UNC13B: variants seen among roughly 807,000 people sequenced by gnomAD.
UNC13B encodes the protein unc-13 homolog B, also known as protein unc-13 homolog B.
In UNC13B, 144 loss-of-function variants were observed where a neutral mutation model predicts 211.0. The ratio of observed to expected loss-of-function variants is 0.68; its 90% CI spans 0.60 to 0.78. UNC13B has a LOEUF of 0.78. Ranked by LOEUF, UNC13B falls within the 30% of genes least tolerant of loss-of-function variation. UNC13B has a pLI of 0.00. For synonymous variants in UNC13B, 709 were observed against 725.8 expected (o/e 0.98, Z 0.37); for missense variants, 1,777 against 2,002.0 (o/e 0.89, Z 2.14).
At chr9:35,325,132 A>G (rs760485406) in intron 11 of UNC13B, among the ~76,000 whole-genome samples, 1 of 152,192 alleles carries the variant, frequency 6.6e-6, no homozygotes, top group Non-Finnish European at 1.5e-5. Context: ...TCAGAGGGAG[A>G]GAAGGATGAG....
At chr9:35,298,324 T>C (rs975965260) in intron 8 of UNC13B, among the ~76,000 whole-genome samples, 3 of 152,066 alleles carry the variant, frequency 2.0e-5, no homozygotes, top group South Asian at 2.1e-4. Context: ...GGAGGCTGAG[T>C]TGGGAGAGAT....
chr9:35,393,394 G>T (rs59695598), intron 26 of UNC13B, among the ~76,000 whole-genome samples: 3,984 of 152,042 alleles, frequency 0.026, 178 homozygotes, highest in African/African-American at 0.089. Flanking sequence ...GCTACAGCAT[G>T]TCCAAGACCT....
intron 11 of UNC13B, among the ~76,000 whole-genome samples, chr9:35,332,257 T>TA (rs1395657421): frequency 6.6e-6 from 1 of 152,232 alleles, no homozygotes; most frequent in East Asian, 1.9e-4. Context: ...GCCTCCCAAC[T>TA]AGCCTTTGTA....
chr9:35,271,855 C>T (rs1016827843), intron 7 of UNC13B, among the ~76,000 whole-genome samples: 5 of 152,176 alleles, frequency 3.3e-5, no homozygotes, highest in African/African-American at 9.7e-5. Flanking sequence ...ACATCAAAAC[C>T]ATCCTGGCCA....
intron 1 of UNC13B, among the ~76,000 whole-genome samples, chr9:35,176,614 A>G (rs1010163720): frequency 2.6e-5 from 4 of 152,154 alleles, no homozygotes; most frequent in African/African-American, 9.7e-5. Context: ...CTTGGGGAGG[A>G]ATGGTGAGGA....
intron 1 of UNC13B, among the ~76,000 whole-genome samples, chr9:35,216,229 G>A (rs941783541): frequency 6.6e-6 from 1 of 152,100 alleles, no homozygotes; most frequent in African/African-American, 2.4e-5. Flanking sequence ...AAAAATTCAT[G>A]GTAAATTCAA....
chr9:35,236,014 G>C (rs1227129724), intron 3 of UNC13B, among the ~76,000 whole-genome samples: 1 of 132,618 alleles, frequency 7.5e-6, no homozygotes, highest in Admixed American at 8.3e-5. Context: ...GGTTTAATTG[G>C]GATATAAGAA....
intron 13 of UNC13B, among the ~76,000 whole-genome samples, chr9:35,372,258 C>T (rs914212123): frequency 2.6e-5 from 4 of 152,216 alleles, no homozygotes; most frequent in Admixed American, 6.5e-5. Flanking sequence ...GGCGACAGTG[C>T]AAGACTCTGT....
chr9:35,403,376 A>G, intron 38 of UNC13B, 64 bp from the exon 39 acceptor site: 13 of 1,604,482 alleles, frequency 8.1e-6, no homozygotes, highest in Middle Eastern at 1.9e-4. Context: ...GGGGAAGGTC[A>G]CCTGGGGTTC....
intron 1 of UNC13B, among the ~76,000 whole-genome samples, chr9:35,171,481 A>C (rs991121102): frequency 3.3e-5 from 5 of 152,198 alleles, no homozygotes; most frequent in Admixed American, 2.6e-4. Flanking sequence ...AGCTCACTGT[A>C]GCCTCAAACT....
chr9:35,184,227 G>A (rs868248812), intron 1 of UNC13B, among the ~76,000 whole-genome samples: 4 of 151,668 alleles, frequency 2.6e-5, no homozygotes, highest in South Asian at 4.2e-4. Context: ...CTTCCCAGAC[G>A]GGGCGGCTGG....
At chr9:35,398,824 G>T (rs1013727787) in intron 32 of UNC13B, 58 bp from the exon 33 acceptor site, 2 of 1,589,294 alleles carry the variant, frequency 1.3e-6, no homozygotes, top group South Asian at 2.3e-5. Flanking sequence ...AGCTGGTGCC[G>T]CTCCAGGGAC....
intron 12 of UNC13B, among the ~76,000 whole-genome samples, chr9:35,367,568 C>G (rs1056499156): frequency 6.6e-6 from 1 of 152,122 alleles, no homozygotes; most frequent in African/African-American, 2.4e-5. Context: ...ACTGTAGTCA[C>G]CCTGCTGTGC....
At chr9:35,358,755 G>A (rs1833203287) in intron 11 of UNC13B, among the ~76,000 whole-genome samples, 2 of 148,078 alleles carry the variant, frequency 1.4e-5, no homozygotes, top group South Asian at 2.1e-4. Flanking sequence ...GTGCAGTGGC[G>A]TGATTTCGGC....
chr9:35,283,460 C>T (rs1828620830), intron 7 of UNC13B, among the ~76,000 whole-genome samples: 1 of 152,096 alleles, frequency 6.6e-6, no homozygotes, highest in South Asian at 2.1e-4. Context: ...TCACATTTAG[C>T]CTCACTGGCC....
chr9:35,242,834 C>T (rs1825882255), intron 5 of UNC13B, among the ~76,000 whole-genome samples: 1 of 152,108 alleles, frequency 6.6e-6, no homozygotes, highest in Non-Finnish European at 1.5e-5. Flanking sequence ...CATGGTAATT[C>T]TACTTTTAAT....
intron 20 of UNC13B, 30 bp from the exon 21 acceptor site, chr9:35,382,327 C>A (rs759841435): frequency 3.1e-6 from 5 of 1,600,944 alleles, no homozygotes; most frequent in South Asian, 1.1e-5. Flanking sequence ...CCTGAAGAGT[C>A]TTTGAGGCTG....
intron 11 of UNC13B, chr9:35,353,038 G>A: frequency 8.1e-7 from 1 of 1,232,188 alleles, no homozygotes; most frequent in Non-Finnish European, 1.0e-6. Flanking sequence ...TGAGCTCAAA[G>A]GAACTAGAGG....
intron 6 of UNC13B, among the ~76,000 whole-genome samples, chr9:35,249,452 G>A (rs556461581): frequency 2.0e-5 from 3 of 152,244 alleles, no homozygotes; most frequent in Admixed American, 6.5e-5. Flanking sequence ...TCCTAGCATC[G>A]ATGGTCCTTA....
Sources: gnomAD v4.1 joint callset for allele counts (sites outside exome capture counted in the v4.1 genomes callset) on GRCh38, gnomAD v4.1.1 for gene constraint, MANE v1.5 for transcripts, NCBI Gene and HGNC (gene_info 2026-07-23, HGNC 2026-07-21) for gene names.